FLT4: variants seen among roughly 807,000 people sequenced by gnomAD.
The protein encoded by FLT4 is vascular endothelial growth factor receptor 3.
Under a neutral mutation model 163.2 loss-of-function variants are expected in FLT4, and 30 were observed. The ratio of observed to expected loss-of-function variants is 0.18; its 90% CI spans 0.14 to 0.25. The LOEUF (loss-of-function observed/expected upper bound fraction) is 0.25. Ranked by LOEUF, FLT4 falls within the 10% of genes least tolerant of loss-of-function variation. The pLI, the probability that FLT4 is intolerant of heterozygous loss-of-function variation, is 1.00. For missense variants in FLT4, 1,510 were observed against 1,863.8 expected, an observed-to-expected ratio of 0.81 and a Z score of 3.50; for synonymous variants, 884 against 789.5, an observed-to-expected ratio of 1.12 and a Z score of -2.01.
chr5:180,624,201 G>A (rs968184588), intron 10 of FLT4, 140 bp from the exon 11 acceptor site: 1 of 869,234 alleles, frequency 1.2e-6, no homozygotes, highest in Non-Finnish European at 1.8e-6. Context: ...GGGCCTGGGT[G>A]AGGGAGATGG....
At chr5:180,626,941 T>C (rs1763666805) in intron 8 of FLT4, among the ~76,000 whole-genome samples, 1 of 152,256 alleles carries the variant, frequency 6.6e-6, no homozygotes, top group South Asian at 2.1e-4. Flanking sequence ...GACTGTCCTA[T>C]GCTGTGGCCT....
Position 180,603,283 on chromosome 5 carries a change from T to C in FLT4, c.4001A>G (p.Asn1334Ser), listed in dbSNP as rs759044121. The C allele has an allele frequency of 1.2e-5, 19 of 1,613,966 alleles. No homozygotes were observed. The highest frequency in any genetic ancestry group is 5.0e-5 in the Admixed American group (3 of 60,006). The change falls in exon 30 of 30, where the codon AAC becomes AGC. Residue 1334 changes from asparagine (N) to serine (S), a missense_variant. Asn to Ser is a conservative substitution (Grantham distance 46). This residue lies in a region of FLT4 where 295 missense variants were observed against 311.0 expected (regional missense o/e 0.95). Transcript: ENST00000261937. The part of the protein sequence containing the change: ...RGARGGQVFY[N>S]SEYGELSEPS... ...CTCCGACAGCTCCCCATACTCGCTG[T>C]TGTAAAACACCTGGCCTCCTCGGGC... is the stretch of plus-strand genomic sequence containing the variant.
chr5:180,638,286 A>T (rs1320978865), intron 1 of FLT4, among the ~76,000 whole-genome samples: 2 of 152,126 alleles, frequency 1.3e-5, no homozygotes, highest in Non-Finnish European at 2.9e-5. Flanking sequence ...TAAACTGCAG[A>T]CGTGCACCCC....
rs1180832689 is a variant in FLT4 at position 180,603,308 on chromosome 5, C to G, written c.3976G>C (p.Ala1326Pro). The G allele has an allele frequency of 2.5e-6, 4 of 1,613,890 alleles. No individual in the cohort carries two copies. Among genetic ancestry groups the G allele is most frequent in the Admixed American group, 1.7e-5 (1 of 60,012 alleles). Residue 1326 changes from alanine (A) to proline (P), a missense_variant, in exon 30 of 30, where the codon GCC becomes CCC. Ala to Pro is a conservative substitution (Grantham distance 27). Transcript: ENST00000261937. ...QGRRRRPERG[A>P]RGGQVFYNSE... Reference sequence around the variant, plus strand: ...TTGTAAAACACCTGGCCTCCTCGGGCCCCCCGCTCAGGCCGCCGCCGCCTC... The same window carrying G: ...TTGTAAAACACCTGGCCTCCTCGGGGCCCCCGCTCAGGCCGCCGCCGCCTC...
At chr5:180,619,462 C>T (rs1762954012) in intron 18 of FLT4, 96 bp from the exon 19 acceptor site, 1 of 1,001,620 alleles carries the variant, frequency 1.0e-6, no homozygotes, top group South Asian at 1.3e-5. Context: ...TACTAAGGGC[C>T]CCCAGGACAT....
In FLT4 at chr5:180,630,372, G is replaced by T; in HGVS notation, c.401-35C>A. The T allele has an allele frequency of 6.3e-7, 1 of 1,587,772 alleles. No individual in the cohort carries two copies. Among genetic ancestry groups the T allele is most frequent in the Non-Finnish European group, 8.6e-7 (1 of 1,165,774 alleles). On this transcript the variant is annotated intron_variant, in intron 3 of 29. Transcript: ENST00000261937. The surrounding 1 kb of genome is among the most constrained non-coding windows in gnomAD (Gnocchi z 6.3). Reference sequence around the variant, plus strand: ...GGGAGCAAGCTGTTGGGGAAGGGACGTGGCGGCCAGGCTGGGGGAGGGCTC... The same window carrying T: ...GGGAGCAAGCTGTTGGGGAAGGGACTTGGCGGCCAGGCTGGGGGAGGGCTC...
rs1458761462 is a variant in FLT4, at chr5:180,636,489, A to G, written c.59-4711T>C. Among the ~76,000 whole-genome samples, 1 of 149,804 alleles carries G rather than the reference A, an allele frequency of 6.7e-6. No homozygotes were observed. The highest frequency in any genetic ancestry group is 1.5e-5 in the Non-Finnish European group (1 of 67,504). ...CGCCCTCTTCCCCATTAAAGCTGTCATCAGCTGCACCCCCCCGTCACTTCC... is the reference window on the plus strand; with the variant it reads ...CGCCCTCTTCCCCATTAAAGCTGTCGTCAGCTGCACCCCCCCGTCACTTCC... On this transcript the variant is annotated intron_variant, in intron 1 of 29. Transcript: ENST00000261937. This position sits in a 1 kb window ranked among gnomAD's most constrained non-coding sequence, Gnocchi z 4.3.
intron 1 of FLT4, among the ~76,000 whole-genome samples, chr5:180,639,782 G>A (rs550405081): frequency 7.9e-5 from 12 of 152,166 alleles, no homozygotes; most frequent in Non-Finnish European, 7.4e-5. Context: ...TGAAGAAGGC[G>A]CATCCTTCCT....
chr5:180,620,286 G>C lies in FLT4; in HGVS notation c.2429C>G (p.Thr810Arg), dbSNP rs1192081897. ...MRRPAHADIK[T>R]GYLSIIMDPG... is the part of the protein sequence containing the mutation. ...GTCCATGATGATGGACAGGTAGCCCGTCTTGATGTCTGCGTGGGCCGGCTG... is the reference window on the plus strand; with the variant it reads ...GTCCATGATGATGGACAGGTAGCCCCTCTTGATGTCTGCGTGGGCCGGCTG... The change falls in exon 17 of 30, where the codon ACG becomes AGG. Residue 810 changes from threonine (T) to arginine (R), a missense_variant. Thr to Arg is a moderately conservative substitution (Grantham distance 71, BLOSUM62 -1). Coordinates refer to ENST00000261937, the MANE Select transcript of FLT4 (RefSeq NM_182925.5). The surrounding 1 kb of genome is among the most constrained non-coding windows in gnomAD (Gnocchi z 4.4). The C allele has an allele frequency of 6.2e-7, 1 of 1,611,998 alleles. No individual in the cohort carries two copies. Among genetic ancestry groups the C allele is most frequent in the Non-Finnish European group, 8.5e-7 (1 of 1,179,990 alleles).
intron 8 of FLT4, among the ~76,000 whole-genome samples, chr5:180,627,586 T>G (rs1763727757): frequency 6.6e-6 from 1 of 152,204 alleles, no homozygotes; most frequent in Admixed American, 6.5e-5. Flanking sequence ...CTCGCCATCG[T>G]CATGTGCTGG....
chr5:180,642,653 C>G (rs1005307760), intron 1 of FLT4, among the ~76,000 whole-genome samples: 6 of 152,182 alleles, frequency 3.9e-5, no homozygotes, highest in African/African-American at 9.7e-5. Flanking sequence ...CTGGAGGACC[C>G]CAGACCTCGA....
chr5:180,629,706 G>T lies in FLT4; in HGVS notation c.806C>A (p.Pro269Gln). The T allele has an allele frequency of 6.2e-7, 1 of 1,611,182 alleles. No individual in the cohort carries two copies. Among genetic ancestry groups the T allele is most frequent in the East Asian group, 2.2e-5 (1 of 44,794 alleles). ...CGCTGCTGACCTCACCTGCTTCCCT[G>T]GGTAGTCCCAGTCAAAGGTGACACC... The part of the protein sequence containing the change: ...NSGVTFDWDY[P>Q]GKQAERGKWV... Residue 269 changes from proline to glutamine, a missense_variant, in exon 6 of 30, where the codon CCA (proline) becomes CAA (glutamine). By Grantham distance (76) the Pro-to-Gln change is moderately conservative. Coordinates refer to ENST00000261937, the MANE Select transcript of FLT4 (RefSeq NM_182925.5).
rs553217867 is a variant in FLT4 at position 180,612,265 on chromosome 5, C to T, written c.3537+241G>A. 819 of 583,266 alleles carry T rather than the reference C, an allele frequency of 1.4e-3. 3 individuals carry two copies. Among genetic ancestry groups the T allele is most frequent in the Non-Finnish European group, 2.2e-3 (705 of 325,254 alleles). The allele number at this position is 583,266 out of a possible 1,614,324, so 36.1% of individuals were successfully genotyped here. On this transcript the variant is annotated intron_variant, in intron 26 of 29. Coordinates refer to ENST00000261937, the MANE Select transcript of FLT4 (RefSeq NM_182925.5). ...GCCTAGGATTCCCCTCGCGCAGGGA[C>T]AGGCTCTGACTATCCACACAGCACC... is the stretch of plus-strand genomic sequence containing the variant.
chr5:180,604,312 C>T (rs72816992), intron 29 of FLT4, among the ~76,000 whole-genome samples: 8 of 152,294 alleles, frequency 5.3e-5, no homozygotes, highest in Non-Finnish European at 1.2e-4. Flanking sequence ...TGGGGTTCTC[C>T]TTGCTTCCTC....
chr5:180,626,148 G>C lies in FLT4; in HGVS notation c.1221C>G (p.Gly407=), dbSNP rs2127827929. The C allele has an allele frequency of 5.0e-6, 8 of 1,612,862 alleles. No individual in the cohort carries two copies. The highest frequency in any genetic ancestry group is 6.8e-6 in the Non-Finnish European group (8 of 1,180,010). The change falls in exon 9 of 30, where the codon GGC becomes GGG. Residue 407 remains glycine (G), a synonymous_variant. Transcript: ENST00000261937. The stretch of plus-strand genomic sequence containing the variant: ...GCTCCAGGCTGATGTTGCGCCTCAG[G>C]CCAGCAGCGGAGTTCCACAGGGCGA... ...YTLALWNSAA[G]LRRNISLELV...
intron 1 of FLT4, among the ~76,000 whole-genome samples, chr5:180,647,585 A>T (rs554527218): frequency 2.0e-5 from 3 of 151,414 alleles, no homozygotes; most frequent in South Asian, 4.2e-4. Flanking sequence ...CTCCCACCGG[A>T]CCAGCTGCCC....
chr5:180,621,419 G>T, intron 13 of FLT4, 123 bp downstream of exon 13: 1 of 1,453,812 alleles, frequency 6.9e-7, no homozygotes, highest in Non-Finnish European at 9.3e-7. Flanking sequence ...TAGTCAGGAG[G>T]GGTAGCTCCT....
chr5:180,643,429 G>C (rs1425452708), intron 1 of FLT4, among the ~76,000 whole-genome samples: 1 of 152,170 alleles, frequency 6.6e-6, no homozygotes. Flanking sequence ...GGCATTGCAG[G>C]CGTGCTGTCC....
chr5:180,645,418 G>A (rs1000344908), intron 1 of FLT4, among the ~76,000 whole-genome samples: 3 of 152,224 alleles, frequency 2.0e-5, no homozygotes, highest in East Asian at 1.9e-4. Context: ...CAGGACGAGC[G>A]GCGTTATCAG....
Sources: gnomAD v4.1 joint callset for allele counts (sites outside exome capture counted in the v4.1 genomes callset) on GRCh38, gnomAD v4.1.1 for gene constraint, gnomAD v4.1.1 regional missense constraint, Gnocchi (gnomAD v3.1) non-coding constraint, MANE v1.5 for transcripts, NCBI Gene and HGNC (gene_info 2026-07-23, HGNC 2026-07-21) for gene names.